The following CLIC5 variants were observed in gnomAD, a reference collection of about 807,000 sequenced individuals.
The protein encoded by CLIC5 is CLIC family member 5, also known as chloride intracellular channel protein 5.
A neutral mutation model predicts 24.7 loss-of-function variants in CLIC5; 20 were observed. That is an observed-to-expected ratio of 0.81 (90% CI 0.57 to 1.18). The LOEUF is 1.18. Among genes scored for constraint, CLIC5 ranks in the 50% most tolerant of loss-of-function variants. The pLI, the probability that CLIC5 is intolerant of heterozygous loss-of-function variation, is 0.00. For synonymous variants in CLIC5, 159 were observed against 135.6 expected, an observed-to-expected ratio of 1.17 and a Z score of -1.20; for missense variants, 341 against 326.1, an observed-to-expected ratio of 1.05 and a Z score of -0.35.
At chr6:45,969,216 T>G (rs1220435950) in intron 1 of CLIC5, among the ~76,000 whole-genome samples, 1 of 152,168 alleles carries the variant, frequency 6.6e-6, no homozygotes, top group Non-Finnish European at 1.5e-5. Flanking sequence ...TAGCATTCTA[T>G]TCTGAAAACA....
chr6:46,083,171 T>C (rs1036093734), upstream of CLIC5, among the ~76,000 whole-genome samples: 2 of 152,262 alleles, frequency 1.3e-5, no homozygotes, highest in African/African-American at 4.8e-5. Context: ...GTTGGATAAA[T>C]AAATTAAAGG....
At chr6:46,004,764 C>T (rs1052933300) in intron 1 of CLIC5, among the ~76,000 whole-genome samples, 1 of 151,842 alleles carries the variant, frequency 6.6e-6, no homozygotes, top group African/African-American at 2.4e-5. Context: ...TGAGGAAAGG[C>T]CACATAACTT....
intron 6 of CLIC5, among the ~76,000 whole-genome samples, chr6:45,892,871 T>C (rs2127284522): frequency 6.6e-6 from 1 of 152,348 alleles, no homozygotes; most frequent in South Asian, 2.1e-4. Flanking sequence ...TCAAGTTGGC[T>C]TTCTGCCTTG....
chr6:45,948,679 A>T lies in CLIC5; in HGVS notation c.299+577T>A, dbSNP rs1054322027. Among the ~76,000 whole-genome samples the T allele has an allele frequency of 7.9e-5, 12 of 152,284 alleles. No individual in the cohort carries two copies. In the South Asian group the frequency reaches 2.1e-3, roughly 26 times the overall value. On this transcript the variant is annotated intron_variant, in intron 3 of 5. Coordinates refer to ENST00000339561, the MANE Select transcript of CLIC5 (RefSeq NM_016929.5). ...TTTACTGCTCTTTTCCATCAGTAGCAATGTGTCACCCAACAAGAACTTATA... is the reference window on the plus strand; with the variant it reads ...TTTACTGCTCTTTTCCATCAGTAGCTATGTGTCACCCAACAAGAACTTATA...
chr6:45,920,192 G>A (rs1313099578), intron 4 of CLIC5: 3 of 978,294 alleles, frequency 3.1e-6, no homozygotes, highest in Non-Finnish European at 3.6e-6. Flanking sequence ...ATAATTCTTA[G>A]TACTTTCAGC....
chr6:46,084,315 A>G (rs1762985662), upstream of CLIC5, among the ~76,000 whole-genome samples: 1 of 152,162 alleles, frequency 6.6e-6, no homozygotes, highest in South Asian at 2.1e-4. Flanking sequence ...TGATCCTGTC[A>G]TTATGATGTT....
chr6:46,049,779 C>T (rs1359323641), intron 1 of CLIC5, among the ~76,000 whole-genome samples: 1 of 152,148 alleles, frequency 6.6e-6, no homozygotes, highest in Non-Finnish European at 1.5e-5. Context: ...TGTAAATAGC[C>T]TCAGGCAGAA....
At chr6:45,992,377 A>G (rs1765972321) in intron 1 of CLIC5, among the ~76,000 whole-genome samples, 1 of 152,246 alleles carries the variant, frequency 6.6e-6, no homozygotes, top group Non-Finnish European at 1.5e-5. Flanking sequence ...GTGTGATGTT[A>G]ATTGAAGTGC....
At chr6:46,107,324 C>T in the CLIC5 span, among the ~76,000 whole-genome samples, 96 of 152,304 alleles carry the variant, frequency 6.3e-4, no homozygotes, top group African/African-American at 2.3e-3. Context: ...CAAGTGACCA[C>T]GGTGAGGCCT....
chr6:46,067,273 G>A lies in CLIC5; in HGVS notation c.540+12430C>T, dbSNP rs115452076. Among the ~76,000 whole-genome samples, 1,141 of 152,002 alleles carry A rather than the reference G, an allele frequency of 7.5e-3. 12 individuals carry two copies. The highest frequency in any genetic ancestry group is 0.012 in the Non-Finnish European group (835 of 67,970). ...GCTACCGAGATAAGAAACAAGATTC[G>A]TTCCCCAAGGAGCTGATAGTCTGGT... On this transcript the variant is annotated intron_variant, in intron 1 of 5. Coordinates refer to the CLIC5 transcript ENST00000185206.
chr6:45,882,529 G>A (rs1246995424), intron 6 of CLIC5, among the ~76,000 whole-genome samples: 1 of 152,186 alleles, frequency 6.6e-6, no homozygotes, highest in Non-Finnish European at 1.5e-5. Context: ...TGAGGCTTTG[G>A]ACAATTTTGA....
chr6:45,900,122 C>T lies in CLIC5; in HGVS notation c.*2966G>A, dbSNP rs759805821. ...CTTCTCTCTGGGCCAAACTCAGAAG[C>T]AGGCATTGCTGACTAGACAGTGAAT... On this transcript the variant is annotated 3_prime_UTR_variant, in exon 6 of 6. Coordinates refer to ENST00000339561, the MANE Select transcript of CLIC5 (RefSeq NM_016929.5). The T allele has an allele frequency of 8.5e-5, 13 of 152,164 alleles. No homozygotes were observed. The highest frequency in any genetic ancestry group is 1.8e-4 in the Non-Finnish European group (12 of 68,044). 9.4% of individuals were successfully genotyped at this position (152,164 alleles called of 1,614,324 possible).
At position 45,898,709 on chromosome 6, in the gene CLIC5, G is replaced by A. The variant is rs886558339; in HGVS notation, c.*4379C>T. ...ACACTTGTTCTTTTACAAAAGCTAA[G>A]CATCTTTTGTTAAGCTAGTTAACTC... is the stretch of plus-strand genomic sequence containing the variant. On this transcript the variant is annotated 3_prime_UTR_variant, in exon 6 of 6. Coordinates refer to ENST00000339561, the MANE Select transcript of CLIC5 (RefSeq NM_016929.5). 5 of 152,610 alleles carry A rather than the reference G, an allele frequency of 3.3e-5. No individual in the cohort carries two copies. Among genetic ancestry groups the A allele is most frequent in the African/African-American group, 1.2e-4 (5 of 41,440 alleles). The allele number at this position is 152,610 out of a possible 1,614,324, so 9.5% of individuals were successfully genotyped here.
the CLIC5 span, among the ~76,000 whole-genome samples, chr6:46,124,254 A>C: frequency 2.6e-5 from 4 of 152,230 alleles, no homozygotes; most frequent in Non-Finnish European, 5.9e-5. Context: ...AATGGAACAG[A>C]ACAGAGCCCT....
chr6:46,107,853 T>C, the CLIC5 span, among the ~76,000 whole-genome samples: 1 of 152,026 alleles, frequency 6.6e-6, no homozygotes, highest in Non-Finnish European at 1.5e-5. Context: ...CTGGCCAATA[T>C]GGCAAAACCC....
upstream of CLIC5, among the ~76,000 whole-genome samples, chr6:46,018,111 C>T (rs973803990): frequency 8.5e-5 from 13 of 152,308 alleles, no homozygotes; most frequent in African/African-American, 2.6e-4. Context: ...CTGGTGCCTT[C>T]GCTGCATGAT....
downstream of CLIC5, among the ~76,000 whole-genome samples, chr6:45,897,656 T>C (rs796807669): frequency 5.9e-5 from 9 of 152,236 alleles, no homozygotes; most frequent in African/African-American, 1.7e-4. Context: ...TGAATGCTCA[T>C]AGAAGTCTTC....
chr6:45,930,653 T>G (rs1479534484), intron 4 of CLIC5, among the ~76,000 whole-genome samples: 1 of 152,190 alleles, frequency 6.6e-6, no homozygotes, highest in Non-Finnish European at 1.5e-5. Context: ...CAGGGAAAGC[T>G]GGGCTGCCCA....
At chr6:46,111,108 A>T in the CLIC5 span, among the ~76,000 whole-genome samples, 1 of 151,498 alleles carries the variant, frequency 6.6e-6, no homozygotes, top group African/African-American at 2.4e-5. Flanking sequence ...TCCTTGTTAC[A>T]AGTCTCCAAA....
Sources: allele counts gnomAD v4.1 joint callset (sites outside exome capture counted in the v4.1 genomes callset), GRCh38; gene constraint gnomAD v4.1.1; transcripts MANE v1.5; gene names NCBI Gene and HGNC (gene_info 2026-07-23, HGNC 2026-07-21).